The following EIF4G1 variants were observed in gnomAD, a reference collection of about 807,000 sequenced individuals.
EIF4G1 encodes the protein EIF4-gamma.
EIF4G1 carries 4 observed loss-of-function variants against 187.8 expected under a neutral mutation model. The ratio of observed to expected loss-of-function variants is 0.02; its 90% CI spans 0.01 to 0.05. The LOEUF (loss-of-function observed/expected upper bound fraction) is 0.05, where lower values mean the gene tolerates loss of function less well. EIF4G1 is among the 10% of genes least tolerant of loss of function. The probability of loss-of-function intolerance (pLI) is 1.00; values close to 1 mark genes in which losing one functional copy is unlikely to be tolerated. For missense variants in EIF4G1, 1,647 were observed against 2,081.1 expected (o/e 0.79, Z 4.06); for synonymous variants, 844 against 781.4 (o/e 1.08, Z -1.34).
At chr3:184,320,767 C>G (rs1723757850) in intron 8 of EIF4G1, 45 bp downstream of exon 8, 1 of 1,613,396 alleles carries the variant, frequency 6.2e-7, no homozygotes. Flanking sequence ...GATGTCTGTT[C>G]TGCCCTGGAC....
chr3:184,320,525 T>C (rs1723711148), intron 7 of EIF4G1, 105 bp from the exon 8 acceptor site: 4 of 1,596,724 alleles, frequency 2.5e-6, no homozygotes, highest in South Asian at 1.1e-5. Context: ...ACCTACCTGC[T>C]TCCCGCTGGG....
At chr3:184,316,566 A>G in intron 4 of EIF4G1, 1 of 769,544 alleles carries the variant, frequency 1.3e-6, no homozygotes, top group Non-Finnish European at 2.1e-6. Flanking sequence ...TGAGGTAAAC[A>G]CTCCAGCTGG....
At chr3:184,317,290 C>T in intron 4 of EIF4G1, 31 bp from the exon 5 acceptor site, 1 of 1,613,186 alleles carries the variant, frequency 6.2e-7, no homozygotes, top group Non-Finnish European at 8.5e-7. Flanking sequence ...CTTCTCTTTA[C>T]AATGCCAACT....
intron 4 of EIF4G1, chr3:184,316,733 G>A (rs1722858543): frequency 1.3e-6 from 2 of 1,596,450 alleles, no homozygotes; most frequent in Non-Finnish European, 1.7e-6. Flanking sequence ...GGTCTCTGCA[G>A]GTAATATCCC....
intron 16 of EIF4G1, 46 bp downstream of exon 16, chr3:184,324,023 C>T (rs1724386687): frequency 6.2e-7 from 1 of 1,610,560 alleles, no homozygotes; most frequent in Non-Finnish European, 8.5e-7. Flanking sequence ...GTTGCCCATT[C>T]CTATTCCCAA....
At chr3:184,322,293 C>G in intron 10 of EIF4G1, 69 bp from the exon 11 acceptor site, 1 of 1,557,944 alleles carries the variant, frequency 6.4e-7, no homozygotes, top group South Asian at 1.1e-5. Context: ...TTTCTATTTC[C>G]CAGGGATTAA....
In EIF4G1 at chr3:184,319,949, C is replaced by T. The variant is rs1168119142; in HGVS notation, c.537+148C>T. On this transcript the variant is annotated intron_variant, in intron 7 of 32. Transcript: ENST00000346169. ...ATGGTGTCTGTGGAGGGCTCAGGTT[C>T]TTTGTAAGATGCTAAGATTTCAGCA... is the stretch of plus-strand genomic sequence containing the variant. 5.8e-6 allele frequency: 4 copies of T among 694,970 alleles called. No homozygotes were observed. In the East Asian group the frequency reaches 1.1e-4, roughly 19 times the overall value. The allele number at this position is 694,970 out of a possible 1,614,324, so 43.1% of individuals were successfully genotyped here.
At chr3:184,324,726 A>T (rs1024433786) in intron 17 of EIF4G1, 152 bp from the exon 18 acceptor site, 1 of 881,738 alleles carries the variant, frequency 1.1e-6, no homozygotes, top group African/African-American at 1.6e-5. Flanking sequence ...CAGCCTCCCA[A>T]ATTGATGGGA....
Position 184,334,213 on chromosome 3 carries a change from A to C in EIF4G1, c.4619-514A>C, listed in dbSNP as rs1307567710. 6.6e-6 allele frequency among the ~76,000 whole-genome samples: 1 copy of C among 152,108 alleles called. No homozygotes were observed. Among genetic ancestry groups the C allele is most frequent in the East Asian group, 1.9e-4 (1 of 5,192 alleles). On this transcript the variant is annotated intron_variant, in intron 32 of 32. Coordinates refer to ENST00000346169, the MANE Select transcript of EIF4G1 (RefSeq NM_198241.3). This position sits in a 1 kb window ranked among gnomAD's most constrained non-coding sequence, Gnocchi z 5.8. ...GTCCTGAAGGAACAAGACACGAGGA[A>C]GTTTCCGGCAAAGGATATAGCATCC... is the stretch of plus-strand genomic sequence containing the variant.
intron 11 of EIF4G1, 44 bp downstream of exon 11, chr3:184,322,494 A>G: frequency 1.9e-6 from 3 of 1,614,058 alleles, no homozygotes; most frequent in South Asian, 2.2e-5. Flanking sequence ...AAGTTGAGGT[A>G]TGGAGCAGTG....
rs761824505 is a variant in EIF4G1 at position 184,315,527 on chromosome 3, C to G, written c.-53C>G. ...CAGAACCTGTAGGCCGCACCGTGGA[C>G]TTGTTCTTAATCGAGGGGGTGAGTG... is the stretch of plus-strand genomic sequence containing the variant. On this transcript the variant is annotated 5_prime_UTR_variant, in exon 2 of 33. Coordinates refer to ENST00000346169, the MANE Select transcript of EIF4G1 (RefSeq NM_198241.3). The G allele has an allele frequency of 1.4e-6, 1 of 724,330 alleles. No individual in the cohort carries two copies. Among genetic ancestry groups the G allele is most frequent in the Non-Finnish European group, 2.6e-6 (1 of 390,728 alleles). The allele number at this position is 724,330 out of a possible 1,614,324, so 44.9% of individuals were successfully genotyped here. A position where few individuals can be genotyped will look rare whatever the true frequency, so the allele number is the denominator to read the frequency against.
Position 184,327,616 on chromosome 3 carries a change from G to C in EIF4G1, c.3692G>C (p.Ser1231Thr). Residue 1231 changes from serine to threonine, a missense_variant, in exon 25 of 33, where the codon AGC becomes ACC. Coordinates refer to ENST00000346169, the MANE Select transcript of EIF4G1 (RefSeq NM_198241.3). ...VKREAALPPV[S>T]PLKAALSEEE... ...CGAGAAGCTGCCCTACCCCCAGTGA[G>C]CCCCCTGAAGGCGGCTCTCTCTGAG... 1 of 1,614,182 alleles carries C rather than the reference G, an allele frequency of 6.2e-7. No homozygotes were observed. Among genetic ancestry groups the C allele is most frequent in the South Asian group, 1.1e-5 (1 of 91,088 alleles).
chr3:184,324,446 T>C (rs1489749152), intron 17 of EIF4G1, 99 bp downstream of exon 17: 6 of 1,572,498 alleles, frequency 3.8e-6, no homozygotes, highest in Non-Finnish European at 5.2e-6. Flanking sequence ...TAGTGGTGTC[T>C]TGGGGATTTC....
chr3:184,330,992 G>A (rs1725982946), intron 28 of EIF4G1, among the ~76,000 whole-genome samples: 1 of 152,116 alleles, frequency 6.6e-6, no homozygotes, highest in African/African-American at 2.4e-5. Context: ...CGCCCACCTC[G>A]ACCTTTCAGA....
rs1560221409 is a variant in EIF4G1 at position 184,325,691 on chromosome 3, A to T, written c.3121+52A>T. On this transcript the variant is annotated intron_variant, in intron 20 of 32. Coordinates refer to ENST00000346169, the MANE Select transcript of EIF4G1 (RefSeq NM_198241.3). The surrounding 1 kb of genome is among the most constrained non-coding windows in gnomAD (Gnocchi z 5.2). ...GGAGCAGTGAAGGGACCGGGAGGTTATACTTTCCTCTGATGACTTCCTGTT... is the reference window on the plus strand; with the variant it reads ...GGAGCAGTGAAGGGACCGGGAGGTTTTACTTTCCTCTGATGACTTCCTGTT... 2.0e-5 allele frequency: 32 copies of T among 1,613,914 alleles called. No homozygotes were observed. Among genetic ancestry groups the T allele is most frequent in the Non-Finnish European group, 2.5e-5 (30 of 1,179,976 alleles).
rs973703856 is a variant in EIF4G1 at position 184,327,962 on chromosome 3, C to T, written c.3913C>T (p.Leu1305Phe). ...EHMGQLLHQL[L>F]CAGHLSTAQY... is the part of the protein sequence containing the mutation. ...TATGGGGCAGCTGCTGCACCAGCTGCTCTGTGCTGGGCATCTGTCTACTGC... is the reference window on the plus strand; with the variant it reads ...TATGGGGCAGCTGCTGCACCAGCTGTTCTGTGCTGGGCATCTGTCTACTGC... The change falls in exon 26 of 33, where the codon CTC (leucine) becomes TTC (phenylalanine). Residue 1305 changes from leucine (L) to phenylalanine (F), a missense_variant. This residue lies in a region of EIF4G1 where 543 missense variants were observed against 638.0 expected (regional missense o/e 0.85). Coordinates refer to ENST00000346169, the MANE Select transcript of EIF4G1 (RefSeq NM_198241.3). 1.2e-6 allele frequency: 2 copies of T among 1,610,072 alleles called. No individual in the cohort carries two copies. Among genetic ancestry groups the T allele is most frequent in the African/African-American group, 2.7e-5 (2 of 74,946 alleles).
intron 11 of EIF4G1, 31 bp downstream of exon 11, chr3:184,322,481 G>A (rs919903117): frequency 6.2e-7 from 1 of 1,613,252 alleles, no homozygotes; most frequent in Non-Finnish European, 8.5e-7. Context: ...AGGGGAGAGG[G>A]CCAAGTTGAG....
intron 6 of EIF4G1, chr3:184,319,158 G>A (rs1215073720): frequency 6.6e-6 from 1 of 152,504 alleles, no homozygotes; most frequent in East Asian, 1.9e-4. Flanking sequence ...TCTTCATCTT[G>A]AGCCTAGTTC....
At chr3:184,316,771 C>G (rs747255782) in intron 4 of EIF4G1, 99 of 1,588,832 alleles carry the variant, frequency 6.2e-5, no homozygotes, top group Non-Finnish European at 8.4e-5. Flanking sequence ...GTCTTCTGGT[C>G]TCATCCTTAC....
Sources: gnomAD v4.1 joint callset for allele counts (sites outside exome capture counted in the v4.1 genomes callset) on GRCh38, gnomAD v4.1.1 for gene constraint, gnomAD v4.1.1 regional missense constraint, Gnocchi (gnomAD v3.1) non-coding constraint, MANE v1.5 for transcripts, NCBI Gene and HGNC (gene_info 2026-07-23, HGNC 2026-07-21) for gene names.